CA10: variants seen among roughly 807,000 people sequenced by gnomAD.
The protein encoded by CA10 is carbonic anhydrase 10 (inactive).
A neutral mutation model predicts 44.2 loss-of-function variants in CA10; 14 were observed. The ratio of observed to expected loss-of-function variants is 0.32; its 90% CI spans 0.21 to 0.50. CA10 has a LOEUF of 0.50. Among genes scored for constraint, CA10 ranks in the 20% least tolerant of loss-of-function variants. CA10 has a pLI of 0.99. For synonymous variants in CA10, 159 were observed against 141.6 expected (o/e 1.12, Z -0.87); for missense variants, 350 against 409.7 (o/e 0.85, Z 1.26).
intron 2 of CA10, among the ~76,000 whole-genome samples, chr17:51,979,533 A>G (rs1054348888): frequency 2.2e-4 from 34 of 152,074 alleles, no homozygotes; most frequent in Non-Finnish European, 5.9e-5. Context: ...CTTTGTGTTC[A>G]TGACTTCTCA....
intron 1 of CA10, among the ~76,000 whole-genome samples, chr17:52,082,193 C>T (rs147528151): frequency 3.3e-4 from 50 of 152,204 alleles, no homozygotes; most frequent in African/African-American, 1.1e-3. Context: ...TGTGAACCTC[C>T]ATTTATAAAT....
intron 3 of CA10, among the ~76,000 whole-genome samples, chr17:51,770,163 G>A (rs929153774): frequency 1.1e-4 from 16 of 149,784 alleles, no homozygotes; most frequent in Non-Finnish European, 1.2e-4. Context: ...GTGCCTGTCT[G>A]TTTTTAATTC....
chr17:51,977,237 C>T (rs1217469808), intron 2 of CA10, among the ~76,000 whole-genome samples: 6 of 151,582 alleles, frequency 4.0e-5, no homozygotes, highest in Non-Finnish European at 2.9e-5. Context: ...GAAAAAAACC[C>T]CTCAAAATCC....
At chr17:52,012,964 T>C (rs169384) in intron 2 of CA10, among the ~76,000 whole-genome samples, 94,156 of 151,822 alleles carry the variant, frequency 0.62, 29,954 homozygotes, top group African/African-American at 0.71. Flanking sequence ...AAAATACCAA[T>C]GTAGCTTACT....
chr17:51,817,596 C>A (rs1472827470), intron 3 of CA10, among the ~76,000 whole-genome samples: 1 of 152,188 alleles, frequency 6.6e-6, no homozygotes, highest in African/African-American at 2.4e-5. Context: ...AAAGCCAGAA[C>A]CTGTAGCCCC....
At chr17:51,707,520 A>G (rs1322757217) in intron 4 of CA10, among the ~76,000 whole-genome samples, 1 of 152,228 alleles carries the variant, frequency 6.6e-6, no homozygotes, top group African/African-American at 2.4e-5. Context: ...GCTGATGTGC[A>G]TTAATAGCCA....
intron 4 of CA10, among the ~76,000 whole-genome samples, chr17:51,741,665 T>A (rs960786606): frequency 1.3e-5 from 2 of 152,228 alleles, no homozygotes; most frequent in Non-Finnish European, 2.9e-5. Flanking sequence ...ACTGACTGTA[T>A]GTCAGGCACT....
chr17:51,856,991 C>G (rs1979075881), intron 3 of CA10, among the ~76,000 whole-genome samples: 1 of 152,284 alleles, frequency 6.6e-6, no homozygotes, highest in African/African-American at 2.4e-5. Context: ...ACATGTGTTA[C>G]AGGAGACAAA....
chr17:51,989,429 T>G (rs1984962088), intron 2 of CA10, among the ~76,000 whole-genome samples: 1 of 152,080 alleles, frequency 6.6e-6, no homozygotes, highest in Non-Finnish European at 1.5e-5. Flanking sequence ...TGGTTTTCTG[T>G]TCTTGTGTTA....
intron 2 of CA10, among the ~76,000 whole-genome samples, chr17:52,057,518 T>A (rs1987263524): frequency 6.6e-6 from 1 of 152,146 alleles, no homozygotes; most frequent in South Asian, 2.1e-4. Flanking sequence ...AACTATTTGT[T>A]ATCAGTAAGG....
chr17:51,680,541 C>T (rs1024198282), intron 4 of CA10, among the ~76,000 whole-genome samples: 1 of 152,160 alleles, frequency 6.6e-6, no homozygotes, highest in Non-Finnish European at 1.5e-5. Context: ...CAGTGGTTCT[C>T]AAAGTTGGGG....
intron 2 of CA10, among the ~76,000 whole-genome samples, chr17:51,978,101 A>G (rs1984522557): frequency 6.6e-6 from 1 of 152,152 alleles, no homozygotes; most frequent in Admixed American, 6.6e-5. Context: ...TTATCTTTAA[A>G]TAGATCTAAA....
At chr17:51,679,464 T>C (rs1373162100) in intron 4 of CA10, among the ~76,000 whole-genome samples, 2 of 151,930 alleles carry the variant, frequency 1.3e-5, no homozygotes, top group Admixed American at 1.3e-4. Context: ...GGTTTCACCG[T>C]GTTAGCCAGG....
At chr17:51,886,842 C>T (rs1164776247) in intron 3 of CA10, among the ~76,000 whole-genome samples, 2 of 152,068 alleles carry the variant, frequency 1.3e-5, no homozygotes, top group African/African-American at 2.4e-5. Context: ...CTTCTCTCAC[C>T]CTGGGATTTT....
At chr17:51,929,067 T>C (rs2143989531) in intron 3 of CA10, among the ~76,000 whole-genome samples, 1 of 152,266 alleles carries the variant, frequency 6.6e-6, no homozygotes, top group African/African-American at 2.4e-5. Context: ...TTGGATCAGG[T>C]ATACTTTCCT....
At chr17:51,706,081 A>G (rs1192437739) in intron 4 of CA10, among the ~76,000 whole-genome samples, 2 of 152,216 alleles carry the variant, frequency 1.3e-5, no homozygotes, top group African/African-American at 4.8e-5. Flanking sequence ...GTAGCTGCGC[A>G]GTGCTGGGCA....
At position 52,157,830 on chromosome 17, in the gene CA10, G is replaced by C. The variant is rs767403123; in HGVS notation, c.-44C>G. The C allele has an allele frequency of 2.0e-6, 3 of 1,516,872 alleles. No homozygotes were observed. The highest frequency in any genetic ancestry group is 2.7e-6 in the Non-Finnish European group (3 of 1,091,408). 94.0% of individuals were successfully genotyped at this position (1,516,872 alleles called of 1,614,324 possible). The stretch of plus-strand genomic sequence containing the variant: ...AGTGCATCACTCGACGGGAAAACGG[G>C]GGGAAGGGGGGAGCCCGACACGGCA... On this transcript the variant is annotated 5_prime_UTR_variant, in exon 1 of 9. Coordinates refer to ENST00000451037, the MANE Select transcript of CA10 (RefSeq NM_020178.5).
intron 4 of CA10, among the ~76,000 whole-genome samples, chr17:51,669,819 T>C (rs550442136): frequency 3.2e-4 from 48 of 152,190 alleles, no homozygotes; most frequent in South Asian, 1.0e-3. Context: ...ATTCTTGAAG[T>C]CAGCAAGACC....
At chr17:51,973,748 GT>G (rs1984362819) in intron 2 of CA10, among the ~76,000 whole-genome samples, 1 of 152,146 alleles carries the variant, frequency 6.6e-6, no homozygotes, top group Non-Finnish European at 1.5e-5. Context: ...ACTATCCTCT[GT>G]TAGAAAGAGA....
Sources: gnomAD v4.1 joint callset for allele counts (sites outside exome capture counted in the v4.1 genomes callset) on GRCh38, gnomAD v4.1.1 for gene constraint, MANE v1.5 for transcripts, NCBI Gene and HGNC (gene_info 2026-07-23, HGNC 2026-07-21) for gene names.